RRAS2: variants seen among roughly 807,000 people sequenced by gnomAD.
RRAS2 encodes the protein RAS related 2, also known as ras-related protein R-Ras2.
In RRAS2, 7 loss-of-function variants were observed where a neutral mutation model predicts 27.6. That is an observed-to-expected ratio of 0.25 (90% CI 0.14 to 0.48). The LOEUF (loss-of-function observed/expected upper bound fraction) is 0.48, where lower values mean the gene tolerates loss of function less well. RRAS2 is among the 20% of genes least tolerant of loss of function. RRAS2 has a pLI of 0.99. For missense variants in RRAS2, 178 were observed against 256.2 expected (o/e 0.69, Z 2.08); for synonymous variants, 86 against 90.9 (o/e 0.95, Z 0.31).
chr11:14,337,746 G>A (rs1436959652), intron 1 of RRAS2, among the ~76,000 whole-genome samples: 1 of 152,064 alleles, frequency 6.6e-6, no homozygotes, highest in Non-Finnish European at 1.5e-5. Flanking sequence ...GAAATATATA[G>A]CCCTTGCAGG....
chr11:14,347,894 AACC>A (rs1482935568), intron 1 of RRAS2, among the ~76,000 whole-genome samples: 1 of 152,144 alleles, frequency 6.6e-6, no homozygotes, highest in Non-Finnish European at 1.5e-5. Context: ...ACTTTCCAAA[AACC>A]ACCACAGAAC....
At chr11:14,341,533 G>A (rs1219905706) in intron 1 of RRAS2, among the ~76,000 whole-genome samples, 1 of 151,750 alleles carries the variant, frequency 6.6e-6, no homozygotes, top group Non-Finnish European at 1.5e-5. Flanking sequence ...ATTGAAATAT[G>A]AATTTCTTAC....
intron 1 of RRAS2, among the ~76,000 whole-genome samples, chr11:14,352,763 AGAGAGAGAGAGAGAGAGG>A (rs1209655272): frequency 1.3e-5 from 2 of 149,126 alleles, no homozygotes; most frequent in Non-Finnish European, 1.5e-5. Flanking sequence ...ATATAGAGAG[AGAGAGAGAGAGAGAGAGG>A]GAGAGAGAGA....
intron 1 of RRAS2, among the ~76,000 whole-genome samples, chr11:14,327,169 CAATTAA>C (rs1564973076): frequency 6.6e-6 from 1 of 152,024 alleles, no homozygotes; most frequent in African/African-American, 2.4e-5. Context: ...TAGCATAAAC[CAATTAA>C]AATTAAATCA....
At chr11:14,282,859 G>A (rs1392347901) in intron 4 of RRAS2, among the ~76,000 whole-genome samples, 1 of 152,074 alleles carries the variant, frequency 6.6e-6, no homozygotes, top group Non-Finnish European at 1.5e-5. Context: ...ACATAACCAT[G>A]TCATTTGCTA....
intron 1 of RRAS2, among the ~76,000 whole-genome samples, chr11:14,311,478 T>C (rs1554948853): frequency 6.6e-6 from 1 of 152,214 alleles, no homozygotes; most frequent in East Asian, 1.9e-4. Flanking sequence ...GCAATTTTCC[T>C]GCCTCAGCCT....
chr11:14,320,876 A>C (rs1554950192), intron 1 of RRAS2, among the ~76,000 whole-genome samples: 1 of 152,212 alleles, frequency 6.6e-6, no homozygotes, highest in African/African-American at 2.4e-5. Context: ...TTAACACAAC[A>C]ATTTAAAAAA....
intron 3 of RRAS2, 80 bp from the exon 4 acceptor site, chr11:14,294,659 A>G (rs1554946315): frequency 4.1e-6 from 6 of 1,458,228 alleles, no homozygotes; most frequent in Non-Finnish European, 2.8e-6. Context: ...CCCAATTAGT[A>G]CTTTATTTTT....
upstream of RRAS2, among the ~76,000 whole-genome samples, chr11:14,361,563 C>T (rs1274912832): frequency 6.6e-6 from 1 of 152,194 alleles, no homozygotes. Context: ...GCTTCACACA[C>T]ACGAGGATGA....
At chr11:14,308,937 A>G (rs1554948466) in intron 1 of RRAS2, among the ~76,000 whole-genome samples, 1 of 152,240 alleles carries the variant, frequency 6.6e-6, no homozygotes, top group African/African-American at 2.4e-5. Flanking sequence ...CTAAAAGATG[A>G]TCATAATGAT....
chr11:14,325,549 T>C (rs1253378954), intron 1 of RRAS2, among the ~76,000 whole-genome samples: 2 of 152,194 alleles, frequency 1.3e-5, no homozygotes, highest in Admixed American at 6.5e-5. Flanking sequence ...TCCTCCCGCC[T>C]TGGCCTCCCA....
intron 1 of RRAS2, among the ~76,000 whole-genome samples, chr11:14,303,120 C>T (rs1483798276): frequency 2.0e-5 from 3 of 152,202 alleles, no homozygotes; most frequent in African/African-American, 4.8e-5. Flanking sequence ...AGAAAACAAT[C>T]TCAATATTCT....
rs1849131769 is a variant in RRAS2 at position 14,358,517 on chromosome 11, T to C, written c.108+246A>G. ...GATCGGTGCTTCCCACCCTTCCAGC[T>C]CCGCCCTCCCGACCACATTCCTGAG... On this transcript the variant is annotated intron_variant, in intron 1 of 5. Transcript: ENST00000256196. This position sits in a 1 kb window ranked among gnomAD's most constrained non-coding sequence, Gnocchi z 5.1. 1.0e-6 allele frequency: 1 copy of C among 985,290 alleles called. No homozygotes were observed. Among genetic ancestry groups the C allele is most frequent in the Non-Finnish European group, 1.2e-6 (1 of 830,304 alleles). The allele number at this position is 985,290 out of a possible 1,614,324, so 61.0% of individuals were successfully genotyped here.
rs1467921624 is a variant in RRAS2, at chr11:14,314,661, A to G, written c.109-18806T>C. Reference sequence around the variant, plus strand: ...TAGCTTGAAAATTATTGCCAAACCAAATCTTTGAATGCAGGCACATGGTTT... The same window carrying G: ...TAGCTTGAAAATTATTGCCAAACCAGATCTTTGAATGCAGGCACATGGTTT... On this transcript the variant is annotated intron_variant, in intron 1 of 5. Coordinates refer to ENST00000256196, the MANE Select transcript of RRAS2 (RefSeq NM_012250.6). 3.9e-5 allele frequency among the ~76,000 whole-genome samples: 6 copies of G among 152,264 alleles called. No homozygotes were observed. The South Asian group carries it at 8.3e-4, about 21-fold the overall frequency.
At position 14,358,908 on chromosome 11, in the gene RRAS2, G is replaced by A; in HGVS notation, c.-38C>T. On this transcript the variant is annotated 5_prime_UTR_variant, in exon 1 of 6. Transcript: ENST00000256196. The surrounding 1 kb of genome is among the most constrained non-coding windows in gnomAD (Gnocchi z 5.1). Reference sequence around the variant, plus strand: ...GAGCCCAGCCTGACTGCGCCGAGCCGCCGCTGCCGCCCGCCCTAGGCCCGG... The same window carrying A: ...GAGCCCAGCCTGACTGCGCCGAGCCACCGCTGCCGCCCGCCCTAGGCCCGG... The A allele has an allele frequency of 2.3e-6, 3 of 1,319,752 alleles. No individual in the cohort carries two copies. The highest frequency in any genetic ancestry group is 3.5e-5 in the South Asian group (2 of 56,894). The allele number at this position is 1,319,752 out of a possible 1,614,324, so 81.8% of individuals were successfully genotyped here. A position where few individuals can be genotyped will look rare whatever the true frequency, so the allele number is the denominator to read the frequency against.
At chr11:14,355,176 C>G (rs1187894509) in intron 1 of RRAS2, among the ~76,000 whole-genome samples, 10 of 151,752 alleles carry the variant, frequency 6.6e-5, no homozygotes, top group African/African-American at 2.4e-4. Flanking sequence ...AAAAAACACT[C>G]CTAGAATTTC....
chr11:14,281,434 A>C (rs1413621642), intron 5 of RRAS2, among the ~76,000 whole-genome samples, 168 bp downstream of exon 5: 1 of 152,238 alleles, frequency 6.6e-6, no homozygotes, highest in Non-Finnish European at 1.5e-5. Flanking sequence ...ATACTTCATA[A>C]TTAAATTATA....
At chr11:14,354,727 A>T (rs1849036663) in intron 1 of RRAS2, among the ~76,000 whole-genome samples, 1 of 122,276 alleles carries the variant, frequency 8.2e-6, no homozygotes, top group Non-Finnish European at 1.6e-5. Flanking sequence ...CCCAGGCTGG[A>T]GTGCAGTGGC....
intron 1 of RRAS2, among the ~76,000 whole-genome samples, chr11:14,328,893 A>AC (rs1269290755): frequency 3.8e-4 from 58 of 151,020 alleles, no homozygotes; most frequent in Non-Finnish European, 6.6e-4. Context: ...CAAACTGCCA[A>AC]CCTCAGGTGA....
Sources: gnomAD v4.1 joint callset for allele counts (sites outside exome capture counted in the v4.1 genomes callset) on GRCh38, gnomAD v4.1.1 for gene constraint, Gnocchi (gnomAD v3.1) non-coding constraint, MANE v1.5 for transcripts, NCBI Gene and HGNC (gene_info 2026-07-23, HGNC 2026-07-21) for gene names.